Variants in PGAM2 observed in about 807,000 individuals in gnomAD.
PGAM2 encodes phosphoglycerate mutase 2.
In PGAM2, 23 loss-of-function variants were observed where a neutral mutation model predicts 22.5. The ratio of observed to expected loss-of-function variants is 1.02; its 90% CI spans 0.74 to 1.45. The LOEUF is 1.45. Among genes scored for constraint, PGAM2 ranks in the 40% most tolerant of loss-of-function variants. The probability of loss-of-function intolerance (pLI) is 0.00; values close to 1 mark genes in which losing one functional copy is unlikely to be tolerated. For missense variants in PGAM2, 349 were observed against 356.2 expected, an observed-to-expected ratio of 0.98 and a Z score of 0.16; for synonymous variants, 133 against 138.6, an observed-to-expected ratio of 0.96 and a Z score of 0.29.
At chr7:44,064,304 T>C in intron 2 of PGAM2, 1 of 189,336 alleles carries the variant, frequency 5.3e-6, no homozygotes, top group South Asian at 1.0e-4. Context: ...GATTGGTCTT[T>C]CCTTTGCCCA....
intron 2 of PGAM2, 31 bp downstream of exon 2, chr7:44,064,801 A>AGGC: frequency 1.4e-6 from 1 of 706,526 alleles, no homozygotes; most frequent in East Asian, 3.9e-5. Context: ...CTGCCCACCC[A>AGGC]CCCTGCCCAG....
At chr7:44,064,799 C>CCCCCCGCCCCCGGGACGTCAGGTGGCCG in intron 2 of PGAM2, 33 bp downstream of exon 2, 1 of 1,212,908 alleles carries the variant, frequency 8.2e-7, no homozygotes, top group Non-Finnish European at 1.2e-6. Flanking sequence ...TGCTGCCCAC[C>CCCCCCGCCCCCGGGACGTCAGGTGGCCG]CACCCTGCCC....
Position 44,065,461 on chromosome 7 carries a change from A to C in PGAM2, c.69T>G (p.Cys23Trp). 1 of 1,614,092 alleles carries C rather than the reference A, an allele frequency of 6.2e-7. No homozygotes were observed. Among genetic ancestry groups the C allele is most frequent in the Non-Finnish European group, 8.5e-7 (1 of 1,180,030 alleles). ...CACTCAGCTCTGCATCGAACCAGCC[A>C]CAGAAACGGTTCTCCTGGTTCCATG... The part of the protein sequence containing the change: ...ESTWNQENRF[C>W]GWFDAELSEK... Residue 23 changes from cysteine (C) to tryptophan (W), a missense_variant, in exon 1 of 3, where the codon TGT becomes TGG. Physicochemically the swap from Cys to Trp is radical, Grantham distance 215 (BLOSUM62 -2). Transcript: ENST00000297283.
At chr7:44,064,597 G>A (rs1231234200) in intron 2 of PGAM2, 16 of 566,572 alleles carry the variant, frequency 2.8e-5, no homozygotes, top group Admixed American at 6.0e-5. Flanking sequence ...GCCCCACCTC[G>A]GGACACAGCG....
In PGAM2 at chr7:44,065,247, G is replaced by A. The variant is rs1384082005; in HGVS notation, c.283C>T (p.Leu95Phe). Reference sequence around the variant, plus strand: ...GTTTCTGCCTTGTTGAGGCCTGTGAGGCCCCCGTAATGCCGCTCATTGAGG... The same window carrying A: ...GTTTCTGCCTTGTTGAGGCCTGTGAAGCCCCCGTAATGCCGCTCATTGAGG... ...WRLNERHYGGLTGLNKAETAA... is the reference protein window; with the variant it reads ...WRLNERHYGGFTGLNKAETAA... Residue 95 changes from leucine to phenylalanine, a missense_variant, in exon 1 of 3, where the codon CTC becomes TTC. Coordinates refer to ENST00000297283, the MANE Select transcript of PGAM2 (RefSeq NM_000290.4). The A allele has an allele frequency of 6.2e-7, 1 of 1,613,810 alleles. No homozygotes were observed. Among genetic ancestry groups the A allele is most frequent in the Non-Finnish European group, 8.5e-7 (1 of 1,180,062 alleles).
chr7:44,064,730 G>A (rs566162783), intron 2 of PGAM2, 102 bp downstream of exon 2: 56 of 1,015,486 alleles, frequency 5.5e-5, no homozygotes, highest in South Asian at 3.7e-4. Context: ...GGAGCCCCAC[G>A]CCTAGAAAGC....
At chr7:44,064,470 A>G in intron 2 of PGAM2, 1 of 335,402 alleles carries the variant, frequency 3.0e-6, no homozygotes, top group Non-Finnish European at 5.7e-6. Context: ...AGGCCCAGAG[A>G]TGGAGGTGGC....
rs375305359 is a variant in PGAM2 at position 44,064,888 on chromosome 7, C to T, written c.539G>A (p.Arg180Gln). Reference sequence around the variant, plus strand: ...GTTCCCGTGGGCTGCAATGAGCACTCGCTTGCCGGCCTTGATCTGGGGAAC... The same window carrying T: ...GTTCCCGTGGGCTGCAATGAGCACTTGCTTGCCGGCCTTGATCTGGGGAAC... ...EIVPQIKAGK[R>Q]VLIAAHGNSL... is the part of the protein sequence containing the mutation. Residue 180 changes from arginine to glutamine, a missense_variant, in exon 2 of 3, where the codon CGA (arginine) becomes CAA (glutamine). Physicochemically the swap from Arg to Gln is conservative, Grantham distance 43 (BLOSUM62 1). Transcript: ENST00000297283. 18 of 1,609,216 alleles carry T rather than the reference C, an allele frequency of 1.1e-5. No homozygotes were observed. Among genetic ancestry groups the T allele is most frequent in the African/African-American group, 6.7e-5 (5 of 74,808 alleles).
rs757119245 is a variant in PGAM2, at chr7:44,065,381, A to G, written c.149T>C (p.Met50Thr). 4 of 1,614,034 alleles carry G rather than the reference A, an allele frequency of 2.5e-6. No individual in the cohort carries two copies. Among genetic ancestry groups the G allele is most frequent in the Non-Finnish European group, 2.5e-6 (3 of 1,180,034 alleles). The change falls in exon 1 of 3, where the codon ATG becomes ACG. Residue 50 changes from methionine (M) to threonine (T), a missense_variant. Physicochemically the swap from Met to Thr is moderately conservative, Grantham distance 81 (BLOSUM62 -1). Transcript: ENST00000297283. ...TGACGTGTAGCAGATGTCAAACTCC[A>G]TCTTGGCATCCTTGATGGCCTTGGC... ...RGAKAIKDAK[M>T]EFDICYTSVL...
In PGAM2 at chr7:44,065,025, G is replaced by A; in HGVS notation, c.415-13C>T. 1 of 1,606,714 alleles carries A rather than the reference G, an allele frequency of 6.2e-7. No homozygotes were observed. Among genetic ancestry groups the A allele is most frequent in the Non-Finnish European group, 8.5e-7 (1 of 1,179,566 alleles). On this transcript the variant is annotated splice_polypyrimidine_tract_variant and intron_variant, in intron 1 of 2. Coordinates refer to ENST00000297283, the MANE Select transcript of PGAM2 (RefSeq NM_000290.4). ...CGTACCGACGCTCCTGGGGGACACA[G>A]GCACGCTGCTTTCCCTCCCAAGCCA...
intron 2 of PGAM2, chr7:44,063,139 A>G (rs1403449494): frequency 1.3e-5 from 8 of 603,806 alleles, no homozygotes; most frequent in South Asian, 7.3e-5. Context: ...AGTGGTGAAA[A>G]AAATGGGGAC....
rs747760221 is a variant in PGAM2, at chr7:44,062,915, G to A, written c.611C>T (p.Ala204Val). The A allele has an allele frequency of 8.1e-6, 13 of 1,614,008 alleles. No individual in the cohort carries two copies. The highest frequency in any genetic ancestry group is 4.4e-5 in the South Asian group (4 of 91,084). The change falls in exon 3 of 3, where the codon GCG becomes GTG. Residue 204 changes from alanine to valine, a missense_variant. Physicochemically the swap from Ala to Val is moderately conservative, Grantham distance 64 (BLOSUM62 0). Coordinates refer to ENST00000297283, the MANE Select transcript of PGAM2 (RefSeq NM_000290.4). Reference protein sequence around the residue: ...VKHLEGMSDQAIMELNLPTGI... With the variant: ...VKHLEGMSDQVIMELNLPTGI... ...CGTGGGCAGGTTCAGCTCCATGATCGCCTGGTCTGACATCCCTATGCCGGA... is the reference window on the plus strand; with the variant it reads ...CGTGGGCAGGTTCAGCTCCATGATCACCTGGTCTGACATCCCTATGCCGGA...
rs1187365532 is a variant in PGAM2 at position 44,065,344 on chromosome 7, C to T, written c.186G>A (p.Arg62=). The change falls in exon 1 of 3, where the codon CGG becomes CGA. Residue 62 remains arginine, a synonymous_variant. Transcript: ENST00000297283. Reference sequence around the variant, plus strand: ...GGATGGCCCAGAGGGTGCGGATGGCCCGCTTCAGCACTGACGTGTAGCAGA... The same window carrying T: ...GGATGGCCCAGAGGGTGCGGATGGCTCGCTTCAGCACTGACGTGTAGCAGA... ...FDICYTSVLK[R]AIRTLWAILD... is the part of the protein sequence containing the mutation. 6.2e-7 allele frequency: 1 copy of T among 1,613,826 alleles called. No individual in the cohort carries two copies. The highest frequency in any genetic ancestry group is 1.1e-5 in the South Asian group (1 of 91,086).
intron 2 of PGAM2, 72 bp downstream of exon 2, chr7:44,064,760 C>G (rs1562660876): frequency 7.3e-7 from 1 of 1,361,420 alleles, no homozygotes; most frequent in African/African-American, 1.4e-5. Flanking sequence ...GGGCGAGAGA[C>G]TTTGCTGAGA....
At position 44,064,823 on chromosome 7, in the gene PGAM2, T is replaced by A; in HGVS notation, c.595+9A>T. 8.9e-7 allele frequency: 1 copy of A among 1,119,338 alleles called. No homozygotes were observed. Among genetic ancestry groups the A allele is most frequent in the South Asian group, 1.2e-5 (1 of 80,570 alleles). The allele number at this position is 1,119,338 out of a possible 1,614,324, so 69.3% of individuals were successfully genotyped here. A position where few individuals can be genotyped will look rare whatever the true frequency, so the allele number is the denominator to read the frequency against. On this transcript the variant is annotated intron_variant, in intron 2 of 2. Coordinates refer to ENST00000297283, the MANE Select transcript of PGAM2 (RefSeq NM_000290.4). ...CCCACCCTGCCCAGGCTCCTGAAGG[T>A]GGCCTCACCTTCCAGGTGCTTGACA... is the stretch of plus-strand genomic sequence containing the variant.
At chr7:44,064,723 G>T in intron 2 of PGAM2, 109 bp downstream of exon 2, 1 of 953,506 alleles carries the variant, frequency 1.0e-6, no homozygotes, top group Non-Finnish European at 1.6e-6. Flanking sequence ...ATGATGTGGA[G>T]CCCCACGCCT....
chr7:44,063,025 C>G (rs956937763), intron 2 of PGAM2, 95 bp from the exon 3 acceptor site: 1 of 1,318,646 alleles, frequency 7.6e-7, no homozygotes, highest in Admixed American at 1.7e-5. Context: ...AGAGCCAGTT[C>G]CCCTGGCACC....
chr7:44,064,619 C>A, intron 2 of PGAM2: 1 of 590,220 alleles, frequency 1.7e-6, no homozygotes, highest in East Asian at 2.9e-5. Flanking sequence ...GCTTCGAGTG[C>A]AGTCAGCCCC....
intron 1 of PGAM2, 39 bp from the exon 2 acceptor site, chr7:44,065,051 G>A (rs771276964): frequency 1.2e-6 from 2 of 1,609,390 alleles, no homozygotes; most frequent in Non-Finnish European, 1.7e-6. Flanking sequence ...TCCCAAGCCA[G>A]TGGGCCCCCA....
Sources: allele counts gnomAD v4.1 joint callset, GRCh38; gene constraint gnomAD v4.1.1; transcripts MANE v1.5; gene names NCBI Gene and HGNC (gene_info 2026-07-23, HGNC 2026-07-21).